ANKRD30B: variants seen among roughly 807,000 people sequenced by gnomAD.
ANKRD30B encodes the protein ankyrin repeat domain 30B.
In ANKRD30B, 144 loss-of-function variants were observed where a neutral mutation model predicts 202.2. The ratio of observed to expected loss-of-function variants is 0.71; its 90% CI spans 0.62 to 0.82. The LOEUF is 0.82. Ranked by LOEUF, ANKRD30B falls within the 40% of genes least tolerant of loss-of-function variation. The pLI, the probability that ANKRD30B is intolerant of heterozygous loss-of-function variation, is 0.00. For missense variants in ANKRD30B, 1,487 were observed against 1,669.1 expected (o/e 0.89, Z 1.90); for synonymous variants, 508 against 561.3 (o/e 0.91, Z 1.34).
the ANKRD30B span, among the ~76,000 whole-genome samples, chr18:14,906,633 C>A: frequency 6.6e-6 from 1 of 151,944 alleles, no homozygotes; most frequent in African/African-American, 2.4e-5. Flanking sequence ...TTTTTGCACA[C>A]ACACTTCTCC....
chr18:14,847,174 G>T (rs1352740478), intron 39 of ANKRD30B, among the ~76,000 whole-genome samples: 3 of 147,692 alleles, frequency 2.0e-5, no homozygotes, highest in African/African-American at 2.5e-5. Context: ...AAGTTTATTT[G>T]GCTATTAGGT....
chr18:14,788,909 C>A (rs1406315543), intron 15 of ANKRD30B, among the ~76,000 whole-genome samples: 3 of 152,182 alleles, frequency 2.0e-5, no homozygotes, highest in African/African-American at 7.2e-5. Context: ...GGTATACACC[C>A]AGTAATGGGA....
At chr18:14,791,224 G>T (rs1483005896) in intron 15 of ANKRD30B, among the ~76,000 whole-genome samples, 177 bp from the exon 16 acceptor site, 5 of 152,120 alleles carry the variant, frequency 3.3e-5, no homozygotes, top group African/African-American at 1.2e-4. Context: ...ATTTCTGTGG[G>T]ATTGATGGTG....
chr18:14,791,804 C>A (rs555648877), intron 16 of ANKRD30B, among the ~76,000 whole-genome samples: 1 of 151,882 alleles, frequency 6.6e-6, no homozygotes, highest in South Asian at 2.1e-4. Flanking sequence ...ACAGAGAGGA[C>A]GGGAAGGAAC....
the ANKRD30B span, among the ~76,000 whole-genome samples, chr18:14,915,096 A>G: frequency 6.6e-6 from 1 of 152,194 alleles, no homozygotes; most frequent in African/African-American, 2.4e-5. Context: ...TCTAGGGGTC[A>G]GCTGATCTCC....
intron 26 of ANKRD30B, among the ~76,000 whole-genome samples, chr18:14,809,284 C>T (rs1399098097): frequency 6.6e-5 from 10 of 150,854 alleles, no homozygotes; most frequent in Non-Finnish European, 1.2e-4. Context: ...GTGTGTGCAT[C>T]GGTAATTTCT....
At chr18:14,790,856 T>G (rs12326967) in intron 15 of ANKRD30B, among the ~76,000 whole-genome samples, 4 of 150,866 alleles carry the variant, frequency 2.7e-5, no homozygotes, top group African/African-American at 9.7e-5. Context: ...ATTCTCTTTT[T>G]TTTGTTGTGT....
intron 7 of ANKRD30B, among the ~76,000 whole-genome samples, chr18:14,768,486 G>T (rs1916600741): frequency 6.6e-6 from 1 of 152,178 alleles, no homozygotes; most frequent in Non-Finnish European, 1.5e-5. Context: ...TGCAACTGAT[G>T]TGGGAGGGCA....
rs543852848 is a variant in ANKRD30B at position 14,811,195 on chromosome 18, C to CT, written c.2488+1025dup. ...AATTTGTTTTGACGTCTTAAATTTT[C>CT]TTTTTTTTTTAAATTTTGATATGGC... is the stretch of plus-strand genomic sequence containing the variant. On this transcript the variant is annotated intron_variant, in intron 28 of 43. Coordinates refer to ENST00000690538, the MANE Select transcript of ANKRD30B (RefSeq NM_001367607.2). Among the ~76,000 whole-genome samples the CT allele has an allele frequency of 1.7e-4, 26 of 149,628 alleles. 1 individual carries two copies. Among genetic ancestry groups the CT allele is most frequent in the Middle Eastern group, 3.5e-3 (1 of 288 alleles).
At chr18:14,919,351 T>C in the ANKRD30B span, among the ~76,000 whole-genome samples, 2 of 152,162 alleles carry the variant, frequency 1.3e-5, no homozygotes, top group Admixed American at 6.5e-5. Flanking sequence ...AAGGTGTAGC[T>C]CTTTTGACTG....
intron 37 of ANKRD30B, among the ~76,000 whole-genome samples, chr18:14,841,029 T>C (rs1406913861): frequency 6.6e-6 from 1 of 152,074 alleles, no homozygotes; most frequent in East Asian, 1.9e-4. Flanking sequence ...TAGAGAAAGA[T>C]AGAGCATGGT....
chr18:14,832,642 C>G (rs1971003103), intron 34 of ANKRD30B, among the ~76,000 whole-genome samples: 1 of 152,034 alleles, frequency 6.6e-6, no homozygotes, highest in Non-Finnish European at 1.5e-5. Flanking sequence ...AATAAATAAG[C>G]AAATGAATTT....
intron 34 of ANKRD30B, among the ~76,000 whole-genome samples, chr18:14,836,593 A>G (rs1971184360): frequency 6.6e-6 from 1 of 152,244 alleles, no homozygotes; most frequent in African/African-American, 2.4e-5. Context: ...TTTCTAAAAT[A>G]TACTTGTAAT....
intron 18 of ANKRD30B, 50 bp downstream of exon 18, chr18:14,796,465 T>A: frequency 6.7e-7 from 1 of 1,496,376 alleles, no homozygotes; most frequent in Non-Finnish European, 8.9e-7. Context: ...TATTAAACTA[T>A]TTGAAATGCC....
intron 8 of ANKRD30B, among the ~76,000 whole-genome samples, chr18:14,770,273 G>A (rs1966907870): frequency 6.6e-6 from 1 of 152,052 alleles, no homozygotes; most frequent in Non-Finnish European, 1.5e-5. Flanking sequence ...GGATTTTAAG[G>A]ACTCTTGGAG....
At chr18:14,916,786 C>A in the ANKRD30B span, among the ~76,000 whole-genome samples, 1 of 152,142 alleles carries the variant, frequency 6.6e-6, no homozygotes, top group Admixed American at 6.5e-5. Flanking sequence ...ATTTTATTGC[C>A]GACCCTGGGT....
chr18:14,874,736 G>A, the ANKRD30B span, among the ~76,000 whole-genome samples: 1 of 152,216 alleles, frequency 6.6e-6, no homozygotes, highest in East Asian at 1.9e-4. Flanking sequence ...GGACCTATAA[G>A]CTTATCTATC....
Position 14,748,184 on chromosome 18 carries a change from C to A in ANKRD30B, c.-236C>A, listed in dbSNP as rs1598550029. The A allele has an allele frequency of 7.4e-5, 31 of 418,426 alleles. No individual in the cohort carries two copies. The East Asian group carries it at 9.7e-4, about 13-fold the overall frequency. The allele number at this position is 418,426 out of a possible 1,614,324, so 25.9% of individuals were successfully genotyped here. A position where few individuals can be genotyped will look rare whatever the true frequency, so the allele number is the denominator to read the frequency against. ...GTGAGCTGCTGCTGTAACGCTCTAA[C>A]GTTAGAGCAGCTAACGGCTCTGCTC... On this transcript the variant is annotated 5_prime_UTR_variant, in exon 1 of 44. Coordinates refer to ENST00000690538, the MANE Select transcript of ANKRD30B (RefSeq NM_001367607.2).
the ANKRD30B span, among the ~76,000 whole-genome samples, chr18:14,860,335 C>G: frequency 2.2e-3 from 286 of 127,706 alleles, no homozygotes; most frequent in Non-Finnish European, 3.8e-3. Flanking sequence ...TGGCGCTCCT[C>G]ACTTCCCAGA....
Sources: gnomAD v4.1 joint callset for allele counts (sites outside exome capture counted in the v4.1 genomes callset) on GRCh38, gnomAD v4.1.1 for gene constraint, MANE v1.5 for transcripts, NCBI Gene and HGNC (gene_info 2026-07-23, HGNC 2026-07-21) for gene names.